Variants in STEAP3 observed in about 807,000 individuals in gnomAD.
STEAP3 encodes metalloreductase STEAP3.
Under a neutral mutation model 34.9 loss-of-function variants are expected in STEAP3, and 35 were observed. That is an observed-to-expected ratio of 1.00 (90% CI 0.76 to 1.33). The LOEUF is 1.33. STEAP3 is among the 40% of genes most tolerant of loss of function. The pLI, the probability that STEAP3 is intolerant of heterozygous loss-of-function variation, is 0.00. For synonymous variants in STEAP3, 281 were observed against 301.6 expected (o/e 0.93, Z 0.71); for missense variants, 652 against 667.6 (o/e 0.98, Z 0.26).
intron 4 of STEAP3, among the ~76,000 whole-genome samples, chr2:119,252,644 G>A (rs1255443844): frequency 1.3e-5 from 2 of 152,200 alleles, no homozygotes; most frequent in South Asian, 2.1e-4. Context: ...TAGGGGAGCT[G>A]TTACATCTGC....
chr2:119,235,110 C>T (rs796109430), intron 2 of STEAP3, among the ~76,000 whole-genome samples: 2 of 152,264 alleles, frequency 1.3e-5, no homozygotes, highest in African/African-American at 4.8e-5. Flanking sequence ...TCTTCATGGT[C>T]CCCTAGAACT....
In STEAP3 at chr2:119,242,872, C is replaced by A. The variant is rs374946333; in HGVS notation, c.23-2617C>A. ...TCCAGAGCCCGGCTCCTGGACCGAGCAGCCTTGAGTAGGGACCTGGTGCAG... is the reference window on the plus strand; with the variant it reads ...TCCAGAGCCCGGCTCCTGGACCGAGAAGCCTTGAGTAGGGACCTGGTGCAG... On this transcript the variant is annotated intron_variant, in intron 2 of 5. Coordinates refer to ENST00000393110, the MANE Select transcript of STEAP3 (RefSeq NM_182915.3). Among the ~76,000 whole-genome samples, 364 of 152,308 alleles carry A rather than the reference C, an allele frequency of 2.4e-3. 15 individuals are homozygous for A. In the South Asian group the frequency reaches 0.074, roughly 31 times the overall value.
intron 2 of STEAP3, among the ~76,000 whole-genome samples, chr2:119,236,409 A>G (rs1677095471): frequency 6.6e-6 from 1 of 152,172 alleles, no homozygotes; most frequent in Non-Finnish European, 1.5e-5. Context: ...ATGAAATTCC[A>G]TCCCTCTGCT....
At chr2:119,254,635 G>T in intron 4 of STEAP3, 49 bp from the exon 5 acceptor site, 1 of 1,607,726 alleles carries the variant, frequency 6.2e-7, no homozygotes, top group Non-Finnish European at 8.5e-7. Context: ...CCCTCCCGGG[G>T]CACCAGCCTT....
At chr2:119,262,926 G>T in intron 5 of STEAP3, 131 bp from the exon 6 acceptor site, 1 of 1,237,942 alleles carries the variant, frequency 8.1e-7, no homozygotes, top group Non-Finnish European at 1.1e-6. Flanking sequence ...CAGGACTGGG[G>T]TTCCAACCCA....
At position 119,241,064 on chromosome 2, in the gene STEAP3, G is replaced by A. The variant is rs185581224; in HGVS notation, c.23-4425G>A. ...ACACATGCACACAAGAATAGGACAC[G>A]TGCACACACACACACACATGCATAC... On this transcript the variant is annotated intron_variant, in intron 2 of 5. Transcript: ENST00000393110. Among the ~76,000 whole-genome samples the A allele has an allele frequency of 3.5e-3, 514 of 146,328 alleles. 2 individuals are homozygous for A. The highest frequency in any genetic ancestry group is 0.013 in the African/African-American group (467 of 36,782).
intron 4 of STEAP3, among the ~76,000 whole-genome samples, chr2:119,252,899 A>G (rs1296392500): frequency 6.6e-6 from 1 of 152,206 alleles, no homozygotes; most frequent in African/African-American, 2.4e-5. Flanking sequence ...ACGTGTGTGT[A>G]ATCATCCAAA....
chr2:119,227,225 TC>T (rs199998357), intron 1 of STEAP3, among the ~76,000 whole-genome samples: 1,576 of 152,162 alleles, frequency 0.01, 28 homozygotes, highest in African/African-American at 0.036. Context: ...AGACACCCGC[TC>T]CCCTCACCCA....
chr2:119,232,485 C>T (rs1676971822), intron 2 of STEAP3, among the ~76,000 whole-genome samples: 1 of 152,184 alleles, frequency 6.6e-6, no homozygotes, highest in South Asian at 2.1e-4. Flanking sequence ...TTGTTAGGTG[C>T]TGGGATGTGC....
At chr2:119,231,058 C>G (rs748232286) in intron 2 of STEAP3, 24 bp downstream of exon 2, 1 of 1,614,082 alleles carries the variant, frequency 6.2e-7, no homozygotes, top group Non-Finnish European at 8.5e-7. Flanking sequence ...GGACGCAGAT[C>G]CAAGGGGGCA....
intron 5 of STEAP3, 26 bp downstream of exon 5, chr2:119,254,874 C>A: frequency 3.7e-6 from 6 of 1,609,336 alleles, no homozygotes; most frequent in Non-Finnish European, 5.1e-6. Context: ...GTCTGCCAGC[C>A]AGCTTCAGCG....
chr2:119,248,015 G>T lies in STEAP3; in HGVS notation c.859G>T (p.Ala287Ser). 1 of 1,610,862 alleles carries T rather than the reference G, an allele frequency of 6.2e-7. No homozygotes were observed. The highest frequency in any genetic ancestry group is 8.5e-7 in the Non-Finnish European group (1 of 1,179,890). The change falls in exon 4 of 6, where the codon GCG becomes TCG. Residue 287 changes from alanine (A) to serine (S), a missense_variant. Coordinates refer to ENST00000393110, the MANE Select transcript of STEAP3 (RefSeq NM_182915.3). Reference sequence around the variant, plus strand: ...ACTCGTGTACTTGCCCGGCGTGCTGGCGGCTGCCCTGCAGCTGCGGCGCGG... The same window carrying T: ...ACTCGTGTACTTGCCCGGCGTGCTGTCGGCTGCCCTGCAGCTGCGGCGCGG... Reference protein sequence around the residue: ...LSLVYLPGVLAAALQLRRGTK... With the variant: ...LSLVYLPGVLSAALQLRRGTK...
At chr2:119,257,824 T>C in intron 5 of STEAP3, 2 of 1,014,310 alleles carry the variant, frequency 2.0e-6, no homozygotes, top group Non-Finnish European at 2.6e-6. Flanking sequence ...GGGCCTTGGC[T>C]GACCCCTAGA....
At chr2:119,226,316 G>T (rs533661187) in intron 1 of STEAP3, among the ~76,000 whole-genome samples, 1 of 152,210 alleles carries the variant, frequency 6.6e-6, no homozygotes, top group African/African-American at 2.4e-5. Context: ...CCCACGGTGC[G>T]TAGTGGCCAG....
At chr2:119,248,523 G>A (rs568354389) in intron 4 of STEAP3, 12 of 325,064 alleles carry the variant, frequency 3.7e-5, no homozygotes, top group Admixed American at 2.3e-4. Context: ...AAGCGTGGGC[G>A]GTGGGGGTGC....
At chr2:119,251,087 A>G (rs1677612701) in intron 4 of STEAP3, among the ~76,000 whole-genome samples, 1 of 152,174 alleles carries the variant, frequency 6.6e-6, no homozygotes, top group South Asian at 2.1e-4. Flanking sequence ...TGGATGGTCC[A>G]TGGTAAGCCA....
At chr2:119,245,097 T>G in intron 2 of STEAP3, 1 of 190,684 alleles carries the variant, frequency 5.2e-6, no homozygotes, top group African/African-American at 2.3e-5. Context: ...GAGGTTGGGG[T>G]TAGATGGTCA....
chr2:119,250,559 G>A (rs991276084), intron 4 of STEAP3, among the ~76,000 whole-genome samples: 27 of 152,180 alleles, frequency 1.8e-4, no homozygotes, highest in African/African-American at 5.1e-4. Context: ...TGCCCAGGAC[G>A]GGGCAGATCT....
At position 119,263,151 on chromosome 2, in the gene STEAP3, A is replaced by G. The variant is rs753992611; in HGVS notation, c.1310A>G (p.Tyr437Cys). ...TTCGAGGAGAGCCGCTACAAGTTCT[A>G]CCTGCCTCCCACCTTCACGCTCACG... ...RAFEESRYKF[Y>C]LPPTFTLTLL... is the part of the protein sequence containing the mutation. Residue 437 changes from tyrosine to cysteine, a missense_variant, in exon 6 of 6, where the codon TAC becomes TGC. Coordinates refer to ENST00000393110, the MANE Select transcript of STEAP3 (RefSeq NM_182915.3). 1.2e-6 allele frequency: 2 copies of G among 1,613,864 alleles called. No homozygotes were observed. Among genetic ancestry groups the G allele is most frequent in the East Asian group, 2.2e-5 (1 of 44,878 alleles).
Sources: gnomAD v4.1 joint callset for allele counts (sites outside exome capture counted in the v4.1 genomes callset) on GRCh38, gnomAD v4.1.1 for gene constraint, MANE v1.5 for transcripts, NCBI Gene and HGNC (gene_info 2026-07-23, HGNC 2026-07-21) for gene names.